The following TRIP4 variants were observed in gnomAD, a reference collection of about 807,000 sequenced individuals.
The protein encoded by TRIP4 is activating signal cointegrator 1.
Under a neutral mutation model 81.8 loss-of-function variants are expected in TRIP4, and 54 were observed. That is an observed-to-expected ratio of 0.66 (90% CI 0.53 to 0.83). The LOEUF (loss-of-function observed/expected upper bound fraction) is 0.83. Among genes scored for constraint, TRIP4 ranks in the 40% least tolerant of loss-of-function variants. The probability of loss-of-function intolerance (pLI) is 0.00; values close to 1 mark genes in which losing one functional copy is unlikely to be tolerated. For synonymous variants in TRIP4, 270 were observed against 242.8 expected (o/e 1.11, Z -1.04); for missense variants, 662 against 683.6 (o/e 0.97, Z 0.35).
chr15:64,435,243 C>T (rs1254149965), intron 11 of TRIP4, among the ~76,000 whole-genome samples: 6 of 145,262 alleles, frequency 4.1e-5, no homozygotes, highest in South Asian at 2.2e-4. Flanking sequence ...AAAAAGATGC[C>T]GGGTGCAGTG....
chr15:64,401,651 G>A (rs1456288892), intron 5 of TRIP4, among the ~76,000 whole-genome samples: 3 of 151,968 alleles, frequency 2.0e-5, no homozygotes, highest in African/African-American at 2.4e-5. Context: ...ATAAATAATA[G>A]TATTACATTA....
At position 64,395,362 on chromosome 15, in the gene TRIP4, G is replaced by T. The variant is rs762989448; in HGVS notation, c.272-36G>T. Reference sequence around the variant, plus strand: ...TCACCAGGAATCCTCTTATCAATCTGTGTGTGTGTGTATTTTTTTTTTTCT... The same window carrying T: ...TCACCAGGAATCCTCTTATCAATCTTTGTGTGTGTGTATTTTTTTTTTTCT... On this transcript the variant is annotated intron_variant, in intron 2 of 12. Transcript: ENST00000261884. 2.0e-6 allele frequency: 3 copies of T among 1,527,736 alleles called. No homozygotes were observed. In the African/African-American group the frequency reaches 4.3e-5, roughly 22 times the overall value. 94.6% of individuals were successfully genotyped at this position (1,527,736 alleles called of 1,614,324 possible).
At chr15:64,403,188 G>A (rs1313175186) in intron 5 of TRIP4, among the ~76,000 whole-genome samples, 1 of 150,308 alleles carries the variant, frequency 6.7e-6, no homozygotes, top group Non-Finnish European at 1.5e-5. Flanking sequence ...ACGGAGTCTC[G>A]CTCTTTCGCC....
chr15:64,387,963 C>A lies in TRIP4; in HGVS notation c.100C>A (p.Gln34Lys), dbSNP rs1262954302. 1.3e-6 allele frequency: 2 copies of A among 1,549,426 alleles called. No individual in the cohort carries two copies. The highest frequency in any genetic ancestry group is 1.7e-6 in the Non-Finnish European group (2 of 1,145,996). ...CCTGGATGTCAGCGAGGAGATCATTCAGTGAGAACAGTTCGGGTCCAAGCG... is the reference window on the plus strand; with the variant it reads ...CCTGGATGTCAGCGAGGAGATCATTAAGTGAGAACAGTTCGGGTCCAAGCG... ...FGLDVSEEII[Q>K]YVLSIESAEE... is the part of the protein sequence containing the mutation. Residue 34 changes from glutamine to lysine, a missense_variant and splice_region_variant, in exon 1 of 13, where the codon CAG (glutamine) becomes AAG (lysine). Physicochemically the swap from Gln to Lys is moderately conservative, Grantham distance 53. Transcript: ENST00000261884.
intron 11 of TRIP4, among the ~76,000 whole-genome samples, chr15:64,437,400 G>A (rs568410059): frequency 2.4e-4 from 37 of 151,834 alleles, no homozygotes; most frequent in African/African-American, 8.4e-4. Flanking sequence ...CTGGGCGACA[G>A]GGTGAGACTC....
Position 64,387,946 on chromosome 15 carries a change from T to C in TRIP4, c.83T>C (p.Val28Ala). The change falls in exon 1 of 13, where the codon GTC (valine) becomes GCC (alanine). Residue 28 changes from valine (V) to alanine (A), a missense_variant. Val to Ala is a moderately conservative substitution (Grantham distance 64). Transcript: ENST00000261884. The stretch of plus-strand genomic sequence containing the variant: ...TTGCGGAAGACTTTCGGCCTGGATG[T>C]CAGCGAGGAGATCATTCAGTGAGAA... Reference protein sequence around the residue: ...QQLRKTFGLDVSEEIIQYVLS... With the variant: ...QQLRKTFGLDASEEIIQYVLS... 6.4e-7 allele frequency: 1 copy of C among 1,550,878 alleles called. No homozygotes were observed. Among genetic ancestry groups the C allele is most frequent in the Non-Finnish European group, 8.7e-7 (1 of 1,146,840 alleles).
At chr15:64,389,484 AAAC>A (rs1235494341) in intron 1 of TRIP4, among the ~76,000 whole-genome samples, 1 of 152,098 alleles carries the variant, frequency 6.6e-6, no homozygotes, top group Non-Finnish European at 1.5e-5. Context: ...TAAAAAAAGT[AAAC>A]AACAAGATAA....
rs35216763 is a variant in TRIP4 at position 64,435,213 on chromosome 15, C to CAAAAA, written c.1575+9602_1575+9606dup. On this transcript the variant is annotated intron_variant, in intron 11 of 12. Coordinates refer to ENST00000261884, the MANE Select transcript of TRIP4 (RefSeq NM_016213.5). ...TGAGTGACAGAGTGAGACCCCATCT[C>CAAAAA]AAAAAAAAAAAAAAAAAAAAAAAAG... Among the ~76,000 whole-genome samples the CAAAAA allele has an allele frequency of 1.8e-4, 9 of 50,414 alleles. 1 individual carries two copies. Among genetic ancestry groups the CAAAAA allele is most frequent in the African/African-American group, 3.6e-4 (4 of 11,070 alleles). The allele number at this position is 50,414 out of a possible 152,430, so 33.1% of individuals were successfully genotyped here.
intron 10 of TRIP4, among the ~76,000 whole-genome samples, chr15:64,425,295 T>C (rs148368361): frequency 2.7e-4 from 41 of 152,222 alleles, no homozygotes; most frequent in Non-Finnish European, 5.3e-4. Flanking sequence ...TGAACTTTGA[T>C]GGTATGAGGG....
At chr15:64,415,486 G>T (rs1021660209) in intron 8 of TRIP4, among the ~76,000 whole-genome samples, 1 of 152,276 alleles carries the variant, frequency 6.6e-6, no homozygotes, top group African/African-American at 2.4e-5. Flanking sequence ...CCCTCTGAAG[G>T]CTTTACAGGA....
intron 7 of TRIP4, among the ~76,000 whole-genome samples, chr15:64,412,336 C>T (rs1017904165): frequency 6.6e-6 from 1 of 151,984 alleles, no homozygotes; most frequent in African/African-American, 2.4e-5. Context: ...AGCTTCAGGC[C>T]TTTGTTTCTG....
At chr15:64,441,485 T>C (rs1892516861) in intron 11 of TRIP4, among the ~76,000 whole-genome samples, 1 of 151,280 alleles carries the variant, frequency 6.6e-6, no homozygotes, top group Non-Finnish European at 1.5e-5. Context: ...AAAATAAGGC[T>C]GGAGAGGGCC....
At chr15:64,446,860 T>C (rs931887992) in intron 12 of TRIP4, among the ~76,000 whole-genome samples, 10 of 151,530 alleles carry the variant, frequency 6.6e-5, no homozygotes, top group Non-Finnish European at 1.5e-4. Flanking sequence ...ATCCCAACAC[T>C]TTGGGAGGCC....
At chr15:64,422,959 C>T (rs1332964924) in intron 9 of TRIP4, among the ~76,000 whole-genome samples, 1 of 152,128 alleles carries the variant, frequency 6.6e-6, no homozygotes, top group Non-Finnish European at 1.5e-5. Context: ...AAATTCATGA[C>T]CCCATTTTCC....
At chr15:64,450,193 T>C (rs1287784060) in intron 12 of TRIP4, among the ~76,000 whole-genome samples, 6 of 151,720 alleles carry the variant, frequency 4.0e-5, no homozygotes, top group Non-Finnish European at 8.8e-5. Context: ...ATGGAGACCA[T>C]CCTCGCTAAC....
At chr15:64,404,470 G>A (rs1008703146) in intron 5 of TRIP4, among the ~76,000 whole-genome samples, 1 of 149,700 alleles carries the variant, frequency 6.7e-6, no homozygotes, top group African/African-American at 2.5e-5. Context: ...GCGGGCGCCT[G>A]CCACCACACC....
chr15:64,397,487 T>C (rs1408560844), intron 3 of TRIP4, 119 bp from the exon 4 acceptor site: 96 of 960,896 alleles, frequency 1.0e-4, no homozygotes, highest in Non-Finnish European at 1.1e-5. Context: ...TTCACTGCCT[T>C]CTTTCTTGGT....
chr15:64,416,958 C>T (rs1313448916), intron 8 of TRIP4, among the ~76,000 whole-genome samples: 2 of 152,074 alleles, frequency 1.3e-5, no homozygotes, highest in East Asian at 3.8e-4. Context: ...GGTTAAATGC[C>T]TAGGGTTTCG....
At position 64,397,728 on chromosome 15, in the gene TRIP4, G is replaced by C; in HGVS notation, c.528G>C (p.Gln176His). 6.2e-7 allele frequency: 1 copy of C among 1,614,248 alleles called. No homozygotes were observed. Residue 176 changes from glutamine to histidine, a missense_variant, in exon 4 of 13, where the codon CAG becomes CAC. Physicochemically the swap from Gln to His is conservative, Grantham distance 24. Transcript: ENST00000261884. ...PGRHPCDCLG[Q>H]KHKLINNCLI... ...GTCACCCTTGTGATTGCCTGGGCCA[G>C]AAGCACAAGCTCATCAATAACTGTC... is the stretch of plus-strand genomic sequence containing the variant.
Sources: gnomAD v4.1 joint callset for allele counts (sites outside exome capture counted in the v4.1 genomes callset) on GRCh38, gnomAD v4.1.1 for gene constraint, MANE v1.5 for transcripts, NCBI Gene and HGNC (gene_info 2026-07-23, HGNC 2026-07-21) for gene names.